TENM2: variants seen among roughly 807,000 people sequenced by gnomAD.
TENM2 encodes the protein teneurin transmembrane protein 2.
TENM2 carries 52 observed loss-of-function variants against 245.2 expected under a neutral mutation model. The ratio of observed to expected loss-of-function variants is 0.21; its 90% confidence interval spans 0.17 to 0.27. The LOEUF (loss-of-function observed/expected upper bound fraction) is 0.27, where lower values mean the gene tolerates loss of function less well. Ranked by LOEUF, TENM2 falls within the 10% of genes least tolerant of loss-of-function variation. The pLI is 1.00. For synonymous variants in TENM2, 1,363 were observed against 1,438.9 expected, an observed-to-expected ratio of 0.95 and a Z score of 1.19; for missense variants, 3,046 against 3,666.8, an observed-to-expected ratio of 0.83 and a Z score of 4.37.
rs1334416314 is a variant in TENM2 at position 167,417,003 on chromosome 5, G to T, written c.502+41530G>T. ...TTGTTTTATCCATTGTTAACTCAAT[G>T]TCAATATTTCAAAGATAATCTATAA... On this transcript the variant is annotated intron_variant, in intron 2 of 28. Transcript: ENST00000518659. Among the ~76,000 whole-genome samples, 3 of 152,022 alleles carry T rather than the reference G, an allele frequency of 2.0e-5. No individual in the cohort carries two copies. The East Asian group carries it at 5.8e-4, about 29-fold the overall frequency.
chr5:167,901,163 A>G (rs1481778213), intron 3 of TENM2, among the ~76,000 whole-genome samples: 1 of 152,082 alleles, frequency 6.6e-6, no homozygotes, highest in Non-Finnish European at 1.5e-5. Flanking sequence ...CCCTTTTGAT[A>G]TATAACTTCC....
intron 2 of TENM2, among the ~76,000 whole-genome samples, chr5:167,606,660 T>G (rs988316307): frequency 6.6e-6 from 1 of 152,160 alleles, no homozygotes; most frequent in Non-Finnish European, 1.5e-5. Flanking sequence ...TGGGAACTTT[T>G]AATAATATAC....
chr5:167,020,435 C>T, the TENM2 span, among the ~76,000 whole-genome samples: 3 of 152,198 alleles, frequency 2.0e-5, no homozygotes, highest in African/African-American at 7.2e-5. Context: ...TCTGCCCAAA[C>T]ATTGTCTATT....
intron 2 of TENM2, among the ~76,000 whole-genome samples, chr5:167,625,359 T>C (rs186953950): frequency 6.6e-6 from 1 of 152,330 alleles, no homozygotes; most frequent in Admixed American, 6.5e-5. Flanking sequence ...TCAGATTTTT[T>C]TTCAGTTCAT....
At chr5:167,305,619 A>T (rs1755626899) in intron 1 of TENM2, among the ~76,000 whole-genome samples, 2 of 152,224 alleles carry the variant, frequency 1.3e-5, no homozygotes, top group Admixed American at 1.3e-4. Context: ...ACTTTAAATG[A>T]TGTGGTAACA....
intron 2 of TENM2, among the ~76,000 whole-genome samples, chr5:167,487,729 A>G (rs1768165046): frequency 6.6e-6 from 1 of 152,212 alleles, no homozygotes; most frequent in Non-Finnish European, 1.5e-5. Flanking sequence ...AAATGTAAAA[A>G]TGTGAGACAA....
chr5:167,812,498 C>G (rs964350836), intron 2 of TENM2, among the ~76,000 whole-genome samples: 3 of 152,126 alleles, frequency 2.0e-5, no homozygotes, highest in Admixed American at 1.3e-4. Flanking sequence ...AAGAATGAAG[C>G]TTTTTATTTC....
intron 2 of TENM2, among the ~76,000 whole-genome samples, chr5:167,450,169 A>G (rs1215257292): frequency 6.6e-6 from 1 of 152,028 alleles, no homozygotes; most frequent in Non-Finnish European, 1.5e-5. Flanking sequence ...CTCTATTTAA[A>G]AACTACTTTT....
At chr5:167,460,220 C>T in intron 2 of TENM2, among the ~76,000 whole-genome samples, 1 of 152,166 alleles carries the variant, frequency 6.6e-6, no homozygotes, top group East Asian at 1.9e-4. Flanking sequence ...CCCATCCAAT[C>T]TCTAAAGCGC....
At chr5:168,132,357 A>C (rs1316222005) in intron 12 of TENM2, among the ~76,000 whole-genome samples, 1 of 152,218 alleles carries the variant, frequency 6.6e-6, no homozygotes, top group Non-Finnish European at 1.5e-5. Flanking sequence ...TTTATGACTC[A>C]TCATTCTGTA....
At chr5:168,150,732 T>C (rs893168985) in intron 12 of TENM2, among the ~76,000 whole-genome samples, 4 of 152,154 alleles carry the variant, frequency 2.6e-5, no homozygotes, top group Non-Finnish European at 2.9e-5. Context: ...AGTAATATGA[T>C]ATTCTGAGTC....
At chr5:167,991,730 T>C (rs138250955) in intron 4 of TENM2, among the ~76,000 whole-genome samples, 1 of 152,242 alleles carries the variant, frequency 6.6e-6, no homozygotes, top group Non-Finnish European at 1.5e-5. Context: ...AAAGAAATAA[T>C]CATGATCACA....
At chr5:167,343,297 T>C (rs1758238376) in intron 1 of TENM2, among the ~76,000 whole-genome samples, 2 of 152,212 alleles carry the variant, frequency 1.3e-5, no homozygotes, top group South Asian at 4.1e-4. Flanking sequence ...CTGGTTTCTT[T>C]ACCTTGAAAA....
At chr5:167,525,486 T>C (rs1007777657) in intron 2 of TENM2, among the ~76,000 whole-genome samples, 1 of 152,130 alleles carries the variant, frequency 6.6e-6, no homozygotes, top group Non-Finnish European at 1.5e-5. Context: ...TTTGTTATCA[T>C]AAAAGAATGC....
intron 2 of TENM2, among the ~76,000 whole-genome samples, chr5:167,573,000 T>C (rs1774377285): frequency 6.6e-6 from 1 of 152,166 alleles, no homozygotes; most frequent in Non-Finnish European, 1.5e-5. Context: ...TGAAAACTAA[T>C]GAAGAGAAAC....
At chr5:167,308,915 G>A (rs1166543925) in intron 1 of TENM2, among the ~76,000 whole-genome samples, 1 of 152,092 alleles carries the variant, frequency 6.6e-6, no homozygotes, top group Non-Finnish European at 1.5e-5. Flanking sequence ...GTTAGGGAGG[G>A]CATTCCTGCT....
chr5:168,044,455 T>G (rs1338235572), intron 5 of TENM2, among the ~76,000 whole-genome samples: 1 of 152,164 alleles, frequency 6.6e-6, no homozygotes, highest in Non-Finnish European at 1.5e-5. Flanking sequence ...CTTTGCAAAC[T>G]AGTCCATATT....
the TENM2 span, among the ~76,000 whole-genome samples, chr5:167,168,917 G>C: frequency 6.6e-6 from 1 of 152,142 alleles, no homozygotes; most frequent in South Asian, 2.1e-4. Flanking sequence ...GTGCCACCAT[G>C]CCCAGCCAAT....
chr5:168,120,258 T>C (rs539108105), intron 10 of TENM2, among the ~76,000 whole-genome samples: 55 of 152,176 alleles, frequency 3.6e-4, no homozygotes, highest in Non-Finnish European at 6.3e-4. Context: ...TCCTCTATTA[T>C]AAAAGGTAGC....
Sources: gnomAD v4.1 joint callset for allele counts (sites outside exome capture counted in the v4.1 genomes callset) on GRCh38, gnomAD v4.1.1 for gene constraint, MANE v1.5 for transcripts, NCBI Gene and HGNC (gene_info 2026-07-23, HGNC 2026-07-21) for gene names.